RASSF5: variants seen among roughly 807,000 people sequenced by gnomAD.
RASSF5 encodes Ras association domain family member 5.
Under a neutral mutation model 40.5 loss-of-function variants are expected in RASSF5, and 25 were observed. The observed-to-expected ratio is 0.62, with a 90% CI of 0.45 to 0.86. The LOEUF (loss-of-function observed/expected upper bound fraction) is 0.86. Among genes scored for constraint, RASSF5 ranks in the 40% least tolerant of loss-of-function variants. The pLI, the probability that RASSF5 is intolerant of heterozygous loss-of-function variation, is 0.00. For missense variants in RASSF5, 521 were observed against 572.8 expected (o/e 0.91, Z 0.92); for synonymous variants, 246 against 252.4 (o/e 0.97, Z 0.24).
intron 2 of RASSF5, chr1:206,557,087 C>T (rs1668010507): frequency 2.0e-6 from 2 of 976,570 alleles, no homozygotes; most frequent in Non-Finnish European, 2.4e-6. Flanking sequence ...GGGTGGCACC[C>T]AGGCGGCGGG....
At chr1:206,572,272 C>T (rs192624164) in intron 2 of RASSF5, among the ~76,000 whole-genome samples, 84 of 152,216 alleles carry the variant, frequency 5.5e-4, no homozygotes, top group Admixed American at 9.2e-4. Context: ...TTCTGGGAGC[C>T]GCCTCAGTGA....
At chr1:206,556,145 CCACTG>C (rs1553401731) in intron 2 of RASSF5, among the ~76,000 whole-genome samples, 1 of 152,218 alleles carries the variant, frequency 6.6e-6, no homozygotes, top group Non-Finnish European at 1.5e-5. Flanking sequence ...ACTCCAGCCC[CCACTG>C]TATTTAAAGA....
rs1668786705 is a variant in RASSF5, at chr1:206,579,515, T to G, written c.580-3754T>G. Among the ~76,000 whole-genome samples the G allele has an allele frequency of 1.3e-5, 2 of 152,330 alleles. No homozygotes were observed. Among genetic ancestry groups the G allele is most frequent in the South Asian group, 4.1e-4 (2 of 4,830 alleles). ...CTCATGGCAGATAGTGCCTGTTAGG[T>G]AAACCTTTGGGGTGTTTGTGTGTTT... On this transcript the variant is annotated intron_variant, in intron 2 of 5. Coordinates refer to ENST00000579436, the MANE Select transcript of RASSF5 (RefSeq NM_182663.4). The surrounding 1 kb of genome is among the most constrained non-coding windows in gnomAD (Gnocchi z 4.2).
At chr1:206,509,579 A>G (rs1666562142) in intron 1 of RASSF5, among the ~76,000 whole-genome samples, 1 of 152,232 alleles carries the variant, frequency 6.6e-6, no homozygotes, top group South Asian at 2.1e-4. Flanking sequence ...AACCCTACAC[A>G]CAGGGAGAGA....
intron 2 of RASSF5, among the ~76,000 whole-genome samples, chr1:206,562,942 G>A (rs1275919751): frequency 6.6e-6 from 1 of 151,570 alleles, no homozygotes; most frequent in Non-Finnish European, 1.5e-5. Context: ...AGCCAGTATT[G>A]ACCAAATACT....
intron 2 of RASSF5, among the ~76,000 whole-genome samples, chr1:206,553,500 G>A (rs1249415011): frequency 1.3e-5 from 2 of 152,190 alleles, no homozygotes; most frequent in Admixed American, 1.3e-4. Flanking sequence ...GAAGGAGCAG[G>A]TAGCGGACAA....
intron 5 of RASSF5, 76 bp downstream of exon 5, chr1:206,585,371 C>A: frequency 9.5e-7 from 1 of 1,056,462 alleles, no homozygotes; most frequent in Non-Finnish European, 1.5e-6. Flanking sequence ...GTCCTAACTA[C>A]CTCACATAGG....
At chr1:206,527,738 A>G (rs1667133160) in intron 1 of RASSF5, among the ~76,000 whole-genome samples, 1 of 152,110 alleles carries the variant, frequency 6.6e-6, no homozygotes, top group Admixed American at 6.6e-5. Flanking sequence ...CCTTGCCCAA[A>G]TGCCTTCAAC....
intron 1 of RASSF5, among the ~76,000 whole-genome samples, chr1:206,516,756 C>T (rs1183757769): frequency 2.0e-5 from 3 of 152,136 alleles, no homozygotes; most frequent in East Asian, 1.9e-4. Context: ...CACGCCTGGC[C>T]GTGACTCATA....
intron 2 of RASSF5, among the ~76,000 whole-genome samples, chr1:206,541,319 T>A (rs1355591887): frequency 6.6e-6 from 1 of 152,212 alleles, no homozygotes; most frequent in African/African-American, 2.4e-5. Flanking sequence ...ATTGAGATCA[T>A]CCTGTAGATA....
At chr1:206,538,725 A>T (rs1558504773) in intron 2 of RASSF5, among the ~76,000 whole-genome samples, 1 of 152,246 alleles carries the variant, frequency 6.6e-6, no homozygotes, top group South Asian at 2.1e-4. Context: ...CCTGTGTTAA[A>T]GAACCAGAAA....
Position 206,513,185 on chromosome 1 carries a change from G to A in RASSF5, c.457+5126G>A, listed in dbSNP as rs1417103425. Among the ~76,000 whole-genome samples the A allele has an allele frequency of 6.6e-6, 1 of 152,174 alleles. No individual in the cohort carries two copies. On this transcript the variant is annotated intron_variant, in intron 1 of 5. Coordinates refer to ENST00000579436, the MANE Select transcript of RASSF5 (RefSeq NM_182663.4). The surrounding 1 kb of genome is among the most constrained non-coding windows in gnomAD (Gnocchi z 5.0). ...TGGGTCCCAGCTCCTGCACCCCAGT[G>A]TTCTCCCACAGGGTTCTCTCTGGCT...
At chr1:206,529,619 C>T (rs564070812) in intron 1 of RASSF5, 139 of 767,278 alleles carry the variant, frequency 1.8e-4, no homozygotes, top group Middle Eastern at 3.5e-4. Context: ...GTCACTGGGG[C>T]GGCAATGTCC....
chr1:206,545,020 C>CT (rs1226104774), intron 2 of RASSF5: 2 of 152,240 alleles, frequency 1.3e-5, no homozygotes, highest in Non-Finnish European at 2.9e-5. Flanking sequence ...AGGGCAGGTG[C>CT]TGGGGGTGGG....
At chr1:206,547,713 C>T (rs1407909367) in intron 2 of RASSF5, among the ~76,000 whole-genome samples, 3 of 152,154 alleles carry the variant, frequency 2.0e-5, no homozygotes, top group African/African-American at 7.2e-5. Context: ...TTCCACAAAA[C>T]CAGTCCCTGG....
At chr1:206,556,594 G>T (rs1317155709) in intron 2 of RASSF5, among the ~76,000 whole-genome samples, 2 of 152,172 alleles carry the variant, frequency 1.3e-5, no homozygotes, top group African/African-American at 4.8e-5. Flanking sequence ...GTGTCTGCAG[G>T]CTCCTGTGTA....
chr1:206,574,319 G>A (rs1553404758), intron 2 of RASSF5, among the ~76,000 whole-genome samples: 1 of 152,210 alleles, frequency 6.6e-6, no homozygotes, highest in African/African-American at 2.4e-5. Context: ...ATCCATCTCT[G>A]TCTTCCCTTC....
chr1:206,542,255 T>A (rs958768295), intron 2 of RASSF5: 1 of 152,108 alleles, frequency 6.6e-6, no homozygotes, highest in East Asian at 1.9e-4. Flanking sequence ...GGTGTTTGGG[T>A]CATGGGGGTG....
intron 3 of RASSF5, 92 bp downstream of exon 3, chr1:206,583,471 C>G: frequency 1.2e-6 from 1 of 858,042 alleles, no homozygotes; most frequent in Non-Finnish European, 2.0e-6. Context: ...TGTGGCTACT[C>G]CCTGGCAGGT....
Sources: allele counts gnomAD v4.1 joint callset (sites outside exome capture counted in the v4.1 genomes callset), GRCh38; gene constraint gnomAD v4.1.1; non-coding constraint Gnocchi (gnomAD v3.1); transcripts MANE v1.5; gene names NCBI Gene and HGNC (gene_info 2026-07-23, HGNC 2026-07-21).